Variants in ZNF514 observed in about 807,000 individuals in gnomAD.
The protein encoded by ZNF514 is zinc finger protein 514.
ZNF514 carries 12 observed loss-of-function variants against 9.7 expected under a neutral mutation model. The ratio of observed to expected loss-of-function variants is 1.24; its 90% CI spans 0.79 to 2.01. ZNF514 has a LOEUF of 2.01. Among genes scored for constraint, ZNF514 ranks in the 30% most tolerant of loss-of-function variants. The pLI, the probability that ZNF514 is intolerant of heterozygous loss-of-function variation, is 0.00. For missense variants in ZNF514, 467 were observed against 465.5 expected (o/e 1.00, Z -0.03); for synonymous variants, 158 against 163.7 (o/e 0.97, Z 0.27).
At chr2:95,157,611 A>T (rs1371605409) in intron 1 of ZNF514, among the ~76,000 whole-genome samples, 172 bp from the exon 2 acceptor site, 1 of 152,170 alleles carries the variant, frequency 6.6e-6, no homozygotes, top group East Asian at 1.9e-4. Context: ...ACATTGAGAG[A>T]AGTGCCCCTG....
At chr2:95,134,079 A>G in the ZNF514 span, among the ~76,000 whole-genome samples, 1 of 152,100 alleles carries the variant, frequency 6.6e-6, no homozygotes, top group Non-Finnish European at 1.5e-5. Flanking sequence ...ATGAGAATGG[A>G]TATCTTATAC....
downstream of ZNF514, among the ~76,000 whole-genome samples, chr2:95,142,478 A>G (rs1673262074): frequency 6.6e-6 from 1 of 152,218 alleles, no homozygotes; most frequent in South Asian, 2.1e-4. Context: ...TAGGAATCCA[A>G]ATTTGTAACA....
chr2:95,126,392 A>AAAAGAAAGAAAG, the ZNF514 span, among the ~76,000 whole-genome samples: 19 of 84,454 alleles, frequency 2.2e-4, no homozygotes, highest in African/African-American at 9.0e-4. Context: ...AAAAAAAAAA[A>AAAAGAAAGAAAG]AAAGAAAGAA....
chr2:95,129,308 A>G, the ZNF514 span, among the ~76,000 whole-genome samples: 7 of 152,198 alleles, frequency 4.6e-5, no homozygotes, highest in South Asian at 6.2e-4. Context: ...CTAAAACTCA[A>G]TAAGAACAAA....
At chr2:95,137,225 C>A in the ZNF514 span, among the ~76,000 whole-genome samples, 1 of 152,064 alleles carries the variant, frequency 6.6e-6, no homozygotes, top group Non-Finnish European at 1.5e-5. Context: ...CTAACTGAAC[C>A]CTCAAAGGAT....
the ZNF514 span, among the ~76,000 whole-genome samples, chr2:95,139,104 A>T: frequency 6.6e-6 from 1 of 152,258 alleles, no homozygotes; most frequent in Non-Finnish European, 1.5e-5. Flanking sequence ...TGCAAGAGTG[A>T]AGAATGCTTG....
the ZNF514 span, among the ~76,000 whole-genome samples, chr2:95,130,035 G>A: frequency 2.6e-5 from 4 of 152,228 alleles, no homozygotes; most frequent in African/African-American, 4.8e-5. Context: ...GACCTGCCCC[G>A]ATAATCACGT....
chr2:95,126,643 T>C, the ZNF514 span, among the ~76,000 whole-genome samples: 1 of 152,202 alleles, frequency 6.6e-6, no homozygotes, highest in Non-Finnish European at 1.5e-5. Flanking sequence ...GCTTCTAGAA[T>C]TGCCATCTGT....
At chr2:95,129,476 G>A in the ZNF514 span, among the ~76,000 whole-genome samples, 2 of 152,136 alleles carry the variant, frequency 1.3e-5, no homozygotes, top group African/African-American at 4.8e-5. Flanking sequence ...GGGAAAGGCA[G>A]ACCACAAGAT....
intron 2 of ZNF514, among the ~76,000 whole-genome samples, chr2:95,156,017 T>C (rs182304754): frequency 2.0e-5 from 3 of 152,326 alleles, no homozygotes; most frequent in Non-Finnish European, 4.4e-5. Flanking sequence ...GCACTCTTTC[T>C]AACTGCGAGC....
chr2:95,134,133 A>C, the ZNF514 span, among the ~76,000 whole-genome samples: 1 of 152,036 alleles, frequency 6.6e-6, no homozygotes, highest in East Asian at 1.9e-4. Flanking sequence ...ATCTTGGCCA[A>C]ATTTTTTTAT....
chr2:95,158,534 C>G (rs1235538914), intron 1 of ZNF514, among the ~76,000 whole-genome samples: 1 of 152,216 alleles, frequency 6.6e-6, no homozygotes, highest in Non-Finnish European at 1.5e-5. Context: ...TTATACACCG[C>G]TGAGCTAGAA....
At chr2:95,157,606 G>C (rs1365893242) in intron 1 of ZNF514, among the ~76,000 whole-genome samples, 167 bp from the exon 2 acceptor site, 1 of 152,168 alleles carries the variant, frequency 6.6e-6, no homozygotes, top group Non-Finnish European at 1.5e-5. Flanking sequence ...TTCAAACATT[G>C]AGAGAAGTGC....
intron 2 of ZNF514, 95 bp downstream of exon 2, chr2:95,157,256 T>C: frequency 1.3e-6 from 1 of 747,976 alleles, no homozygotes; most frequent in Admixed American, 2.4e-5. Flanking sequence ...ATTGGGTCAG[T>C]TCCCTTAGTG....
In ZNF514 at chr2:95,145,979, T is replaced by C. The variant is rs1238273216; in HGVS notation, c.*3303A>G. Reference sequence around the variant, plus strand: ...TTGGGCACATGTTCTCAGGATCTCCTGGGGCTGTGTCAGACTTGTTTCTTA... The same window carrying C: ...TTGGGCACATGTTCTCAGGATCTCCCGGGGCTGTGTCAGACTTGTTTCTTA... On this transcript the variant is annotated 3_prime_UTR_variant, in exon 5 of 5. Transcript: ENST00000295208. Among the ~76,000 whole-genome samples, 1 of 151,894 alleles carries C rather than the reference T, an allele frequency of 6.6e-6. No homozygotes were observed. The highest frequency in any genetic ancestry group is 1.5e-5 in the Non-Finnish European group (1 of 67,854).
the ZNF514 span, among the ~76,000 whole-genome samples, chr2:95,123,760 A>T: frequency 5.3e-5 from 8 of 152,244 alleles, no homozygotes; most frequent in African/African-American, 1.9e-4. Flanking sequence ...ATCATACAAC[A>T]GCCAGTTCAT....
chr2:95,125,588 G>A, the ZNF514 span, among the ~76,000 whole-genome samples: 14 of 152,158 alleles, frequency 9.2e-5, no homozygotes, highest in South Asian at 4.1e-4. Flanking sequence ...GTACATTCAC[G>A]TTGTTGTGCT....
rs1673452203 is a variant in ZNF514 at position 95,149,304 on chromosome 2, T to C, written c.1181A>G (p.His394Arg). The C allele has an allele frequency of 1.1e-5, 18 of 1,582,532 alleles. No homozygotes were observed. Among genetic ancestry groups the C allele is most frequent in the Non-Finnish European group, 1.5e-5 (17 of 1,164,352 alleles). Reference sequence around the variant, plus strand: ...AATTTATAGGGTTTTTTTTCCAGCATGACTTCTCTGATGTTTAATAAGGGA... The same window carrying C: ...AATTTATAGGGTTTTTTTTCCAGCACGACTTCTCTGATGTTTAATAAGGGA... ...TASLIKHQRS[H>R]AGKKTL Residue 394 changes from histidine to arginine, a missense_variant, in exon 5 of 5, where the codon CAT (histidine) becomes CGT (arginine). His to Arg is a conservative substitution (Grantham distance 29). Coordinates refer to ENST00000295208, the MANE Select transcript of ZNF514 (RefSeq NM_032788.3).
At chr2:95,142,542 T>C (rs1416187232), downstream of ZNF514, among the ~76,000 whole-genome samples, 1 of 152,256 alleles carries the variant, frequency 6.6e-6, no homozygotes, top group African/African-American at 2.4e-5. Flanking sequence ...ACTCCCTTTT[T>C]TTCTGGAGTT....
Sources: allele counts gnomAD v4.1 joint callset (sites outside exome capture counted in the v4.1 genomes callset), GRCh38; gene constraint gnomAD v4.1.1; transcripts MANE v1.5; gene names NCBI Gene and HGNC (gene_info 2026-07-23, HGNC 2026-07-21).